The following MTMR2 variants were observed in gnomAD, a reference collection of about 807,000 sequenced individuals.
The protein encoded by MTMR2 is myotubularin related protein 2.
In MTMR2, 55 loss-of-function variants were observed where a neutral mutation model predicts 86.9. The observed-to-expected ratio is 0.63, with a 90% CI of 0.51 to 0.79. MTMR2 has a LOEUF of 0.79. MTMR2 is among the 30% of genes least tolerant of loss of function. The probability of loss-of-function intolerance (pLI) is 0.00; values close to 1 mark genes in which losing one functional copy is unlikely to be tolerated. For synonymous variants in MTMR2, 241 were observed against 266.8 expected (o/e 0.90, Z 0.94); for missense variants, 659 against 772.3 (o/e 0.85, Z 1.74).
intron 1 of MTMR2, among the ~76,000 whole-genome samples, chr11:95,888,778 A>C (rs1865608041): frequency 6.6e-6 from 1 of 152,154 alleles, no homozygotes; most frequent in African/African-American, 2.4e-5. Flanking sequence ...ATGGGAGAAA[A>C]GAAAAGGAAG....
At chr11:95,900,129 G>A (rs1018590162) in intron 1 of MTMR2, among the ~76,000 whole-genome samples, 4 of 152,098 alleles carry the variant, frequency 2.6e-5, no homozygotes, top group East Asian at 3.8e-4. Context: ...ATAGAAGAGC[G>A]AGCAGGTTTG....
At chr11:95,923,815 G>A in intron 1 of MTMR2, 60 bp downstream of exon 1, 1 of 1,531,406 alleles carries the variant, frequency 6.5e-7, no homozygotes. Context: ...AATCCAGCAG[G>A]TCCCCGGCCC....
rs1863978955 is a variant in MTMR2, at chr11:95,850,608, G to A, written c.796C>T (p.Arg266Cys). The change falls in exon 8 of 15, where the codon CGT becomes TGT. Residue 266 changes from arginine (R) to cysteine (C), a missense_variant. By Grantham distance (180) the Arg-to-Cys change is radical. Transcript: ENST00000346299. ...CCAAACTTCCTACTTACTGGGATAC[G>A]GCCTCTTGATCTGAAGGATGCCACT... Reference protein sequence around the residue: ...KRVASFRSRGRIPVLSWIHPE... With the variant: ...KRVASFRSRGCIPVLSWIHPE... The A allele has an allele frequency of 2.5e-6, 4 of 1,613,858 alleles. No homozygotes were observed. Among genetic ancestry groups the A allele is most frequent in the Non-Finnish European group, 2.5e-6 (3 of 1,179,988 alleles).
intron 1 of MTMR2, among the ~76,000 whole-genome samples, chr11:95,908,922 G>A (rs1459007532): frequency 6.6e-6 from 1 of 152,072 alleles, no homozygotes; most frequent in Non-Finnish European, 1.5e-5. Context: ...GAAATAATAA[G>A]ACTTAGGTTT....
intron 1 of MTMR2, among the ~76,000 whole-genome samples, chr11:95,909,674 C>T (rs1866424059): frequency 6.6e-6 from 1 of 152,074 alleles, no homozygotes; most frequent in African/African-American, 2.4e-5. Flanking sequence ...ATTCCACAAA[C>T]ATTTACTGAT....
chr11:95,860,443 G>A (rs1429551574), intron 5 of MTMR2, among the ~76,000 whole-genome samples: 1 of 152,162 alleles, frequency 6.6e-6, no homozygotes, highest in African/African-American at 2.4e-5. Flanking sequence ...AGAGGCTGCA[G>A]TAAGCCAAGA....
At chr11:95,884,624 T>C (rs549695) in intron 2 of MTMR2, among the ~76,000 whole-genome samples, 43,803 of 152,056 alleles carry the variant, frequency 0.29, 7,502 homozygotes, top group Non-Finnish European at 0.39. Context: ...ATGAGTCATG[T>C]ACGAATATCT....
In MTMR2 at chr11:95,849,566, C is replaced by A. The variant is rs558478309; in HGVS notation, c.993+108G>T. 1.9e-5 allele frequency: 19 copies of A among 1,002,984 alleles called. 1 individual carries two copies. The East Asian group carries it at 4.3e-4, about 23-fold the overall frequency. 62.1% of individuals were successfully genotyped at this position (1,002,984 alleles called of 1,614,324 possible). On this transcript the variant is annotated intron_variant, in intron 9 of 14. Coordinates refer to ENST00000346299, the MANE Select transcript of MTMR2 (RefSeq NM_016156.6). ...CAAGTTGAAGAGCCAAGACAAGAAC[C>A]TATATGTTTACCACTGTAGAGCCTG...
intron 2 of MTMR2, among the ~76,000 whole-genome samples, chr11:95,870,723 C>CTTTTTTT (rs1002042311): frequency 8.1e-6 from 1 of 124,010 alleles, no homozygotes; most frequent in African/African-American, 3.9e-5. Context: ...TTTTAAGGTT[C>CTTTTTTT]TTTTTTTCTT....
chr11:95,848,109 G>C (rs1863873651), intron 9 of MTMR2, among the ~76,000 whole-genome samples: 2 of 152,146 alleles, frequency 1.3e-5, no homozygotes, highest in African/African-American at 4.8e-5. Context: ...TACGTAGTCT[G>C]ACTTGCCCAT....
chr11:95,917,306 C>G (rs1866745199), intron 1 of MTMR2, among the ~76,000 whole-genome samples: 4 of 152,174 alleles, frequency 2.6e-5, no homozygotes, highest in African/African-American at 7.2e-5. Context: ...TCCTGAATCG[C>G]ACGCAATCTT....
chr11:95,922,667 C>T (rs192365847), intron 1 of MTMR2, among the ~76,000 whole-genome samples: 107 of 152,108 alleles, frequency 7.0e-4, no homozygotes, highest in African/African-American at 2.4e-3. Flanking sequence ...AGCTTATAAC[C>T]TGGTAGAAAA....
intron 2 of MTMR2, among the ~76,000 whole-genome samples, chr11:95,866,783 A>G (rs567309907): frequency 4.0e-5 from 6 of 150,740 alleles, no homozygotes; most frequent in African/African-American, 1.5e-4. Context: ...GATGGGGTTA[A>G]AAAGGCAAAA....
At chr11:95,909,498 C>A (rs1052550331) in intron 1 of MTMR2, among the ~76,000 whole-genome samples, 2 of 152,158 alleles carry the variant, frequency 1.3e-5, no homozygotes, top group African/African-American at 4.8e-5. Context: ...TCACTGATCA[C>A]ATCCAAATAT....
intron 2 of MTMR2, among the ~76,000 whole-genome samples, chr11:95,870,564 T>A (rs1837343209): frequency 6.6e-6 from 1 of 152,040 alleles, no homozygotes; most frequent in Non-Finnish European, 1.5e-5. Context: ...ATTATATGAA[T>A]AATACTTGAT....
intron 7 of MTMR2, among the ~76,000 whole-genome samples, chr11:95,857,063 T>C (rs1864239810): frequency 2.0e-5 from 3 of 152,176 alleles, no homozygotes; most frequent in Middle Eastern, 3.2e-3. Flanking sequence ...TAGATATCTT[T>C]AGCTCTCTGG....
At chr11:95,906,207 A>G (rs1231713846) in intron 1 of MTMR2, among the ~76,000 whole-genome samples, 1 of 152,214 alleles carries the variant, frequency 6.6e-6, no homozygotes, top group Non-Finnish European at 1.5e-5. Context: ...CCTAGGCAAT[A>G]CAGCGAGACT....
intron 2 of MTMR2, among the ~76,000 whole-genome samples, chr11:95,872,442 G>A (rs1864925637): frequency 6.6e-6 from 1 of 152,168 alleles, no homozygotes; most frequent in Admixed American, 6.5e-5. Flanking sequence ...AAGAATGCTT[G>A]TGATTTTTGC....
At position 95,849,821 on chromosome 11, in the gene MTMR2, A is replaced by G; in HGVS notation, c.846T>C (p.Thr282=). The G allele has an allele frequency of 1.2e-6, 2 of 1,614,160 alleles. No homozygotes were observed. The highest frequency in any genetic ancestry group is 1.7e-6 in the Non-Finnish European group (2 of 1,180,002). ...WIHPESQATI[T]RCSQPMVGVS... Reference sequence around the variant, plus strand: ...CTCCAACCATGGGCTGGCTACACCGAGTGATTGTGGCTTGACTTTCAGGAT... The same window carrying G: ...CTCCAACCATGGGCTGGCTACACCGGGTGATTGTGGCTTGACTTTCAGGAT... The change falls in exon 9 of 15, where the codon ACT becomes ACC. Residue 282 remains threonine (T), a synonymous_variant. Transcript: ENST00000346299.
Sources: allele counts gnomAD v4.1 joint callset (sites outside exome capture counted in the v4.1 genomes callset), GRCh38; gene constraint gnomAD v4.1.1; transcripts MANE v1.5; gene names NCBI Gene and HGNC (gene_info 2026-07-23, HGNC 2026-07-21).